The following CDHR2 variants were observed in gnomAD, a reference collection of about 807,000 sequenced individuals.
The protein encoded by CDHR2 is cadherin-related family member 2.
CDHR2 carries 104 observed loss-of-function variants against 138.6 expected under a neutral mutation model. The observed-to-expected ratio is 0.75, with a 90% CI of 0.64 to 0.88. CDHR2 has a LOEUF of 0.88. Among genes scored for constraint, CDHR2 ranks in the 40% least tolerant of loss-of-function variants. The probability of loss-of-function intolerance (pLI) is 0.00; values close to 1 mark genes in which losing one functional copy is unlikely to be tolerated. For missense variants in CDHR2, 1,624 were observed against 1,727.6 expected, an observed-to-expected ratio of 0.94 and a Z score of 1.06; for synonymous variants, 755 against 742.8, an observed-to-expected ratio of 1.02 and a Z score of -0.27.
rs775264849 is a variant in CDHR2, at chr5:176,589,471, C to T, written c.3117+33C>T. The stretch of plus-strand genomic sequence containing the variant: ...CTGGTCCCACCTCCAGCCCCCAACG[C>T]CCTCTGCCAGCCCCCAGGGTCCCTG... On this transcript the variant is annotated intron_variant, in intron 23 of 31. Transcript: ENST00000261944. 2.5e-6 allele frequency: 4 copies of T among 1,610,882 alleles called. No homozygotes were observed. In the South Asian group the frequency reaches 4.4e-5, roughly 18 times the overall value.
At chr5:176,575,467 C>A (rs902880028) in intron 9 of CDHR2, 39 bp from the exon 10 acceptor site, 4 of 1,614,052 alleles carry the variant, frequency 2.5e-6, no homozygotes, top group Non-Finnish European at 3.4e-6. Context: ...AGGCGGGAGG[C>A]GGGGAAGTTT....
chr5:176,587,388 C>G (rs113101218), intron 21 of CDHR2, among the ~76,000 whole-genome samples: 4,032 of 151,870 alleles, frequency 0.027, 68 homozygotes, highest in Middle Eastern at 0.044. Flanking sequence ...GCGGAGGTTG[C>G]GGTGAGTCGA....
At chr5:176,555,181 C>G (rs1318480525) in intron 1 of CDHR2, among the ~76,000 whole-genome samples, 4 of 152,176 alleles carry the variant, frequency 2.6e-5, no homozygotes, top group Admixed American at 6.5e-5. Context: ...CAACTTTCTG[C>G]AAAAAGAGCT....
chr5:176,586,073 G>T, intron 20 of CDHR2, 48 bp downstream of exon 20: 1 of 1,509,262 alleles, frequency 6.6e-7, no homozygotes, highest in Non-Finnish European at 9.2e-7. Flanking sequence ...CCATAAGGCC[G>T]CCTTTGAGCA....
At chr5:176,548,106 A>C (rs546056704), upstream of CDHR2, among the ~76,000 whole-genome samples, 2 of 152,348 alleles carry the variant, frequency 1.3e-5, no homozygotes, top group Admixed American at 1.3e-4. Flanking sequence ...CGCACGCTGC[A>C]GGCAACTGTA....
intron 1 of CDHR2, among the ~76,000 whole-genome samples, chr5:176,551,268 A>C (rs1561864178): frequency 1.3e-5 from 2 of 151,954 alleles, no homozygotes; most frequent in African/African-American, 2.4e-5. Flanking sequence ...CCTTGGTTCA[A>C]GTGATTCTCC....
intron 17 of CDHR2, among the ~76,000 whole-genome samples, chr5:176,583,100 T>C (rs746244532): frequency 9.9e-5 from 15 of 152,204 alleles, no homozygotes; most frequent in Non-Finnish European, 1.6e-4. Flanking sequence ...GACTTGCTGG[T>C]TGTCCTTAGG....
Position 176,584,779 on chromosome 5 carries a change from C to T in CDHR2, c.2498C>T (p.Ala833Val). The change falls in exon 19 of 32, where the codon GCC becomes GTC. Residue 833 changes from alanine to valine, a missense_variant. Around this residue, in one of 3 missense-constraint regions of CDHR2, gnomAD observed 1,061 missense variants for 1,136.6 expected, o/e 0.93. Coordinates refer to ENST00000261944, the MANE Select transcript of CDHR2 (RefSeq NM_017675.6). The part of the protein sequence containing the change: ...SQHGQVAVVV[A>V]SDVDTSAQLE... Reference sequence around the variant, plus strand: ...CACGGCCAGGTGGCTGTGGTGGTTGCCTCGGATGTGGACACCAGTGCCCAG... The same window carrying T: ...CACGGCCAGGTGGCTGTGGTGGTTGTCTCGGATGTGGACACCAGTGCCCAG... The T allele has an allele frequency of 6.2e-7, 1 of 1,614,166 alleles. No individual in the cohort carries two copies. Among genetic ancestry groups the T allele is most frequent in the Non-Finnish European group, 8.5e-7 (1 of 1,180,038 alleles).
chr5:176,572,458 GAGA>G (rs1758260594), intron 6 of CDHR2, among the ~76,000 whole-genome samples: 1 of 151,832 alleles, frequency 6.6e-6, no homozygotes, highest in Non-Finnish European at 1.5e-5. Context: ...TCACATTGAG[GAGA>G]CCGTCTCTTT....
intron 4 of CDHR2, 65 bp downstream of exon 4, chr5:176,568,882 C>T (rs1484331574): frequency 1.1e-5 from 18 of 1,610,774 alleles, no homozygotes; most frequent in East Asian, 2.2e-5. Context: ...CCTGGGAGCC[C>T]GCGTCCTGGT....
chr5:176,584,641 G>A lies in CDHR2; in HGVS notation c.2360G>A (p.Gly787Glu). ...AGTGCTGAGAACCCAGACCCCCAGG[G>A]GGGTGAGACCATAGTAGACGTCTGC... ...TVSAENPDPQ[G>E]GETIVDVCVN... is the part of the protein sequence containing the mutation. Residue 787 changes from glycine (G) to glutamate (E), a missense_variant, in exon 19 of 32, where the codon GGG becomes GAG. Physicochemically the swap from Gly to Glu is moderately conservative, Grantham distance 98 (BLOSUM62 -2). Around this residue, in one of 3 missense-constraint regions of CDHR2, gnomAD observed 1,061 missense variants for 1,136.6 expected, o/e 0.93. Transcript: ENST00000261944. 1.2e-6 allele frequency: 2 copies of A among 1,611,958 alleles called. No individual in the cohort carries two copies. The highest frequency in any genetic ancestry group is 1.7e-6 in the Non-Finnish European group (2 of 1,178,360).
chr5:176,547,094 T>G (rs1393445397), upstream of CDHR2, among the ~76,000 whole-genome samples: 1 of 151,866 alleles, frequency 6.6e-6, no homozygotes, highest in Non-Finnish European at 1.5e-5. Flanking sequence ...ATCTCCTGCC[T>G]CAGCCTCCTG....
In CDHR2 at chr5:176,557,593, T is replaced by G. The variant is rs189747719; in HGVS notation, c.-15-7745T>G. On this transcript the variant is annotated intron_variant, in intron 1 of 31. Coordinates refer to ENST00000261944, the MANE Select transcript of CDHR2 (RefSeq NM_017675.6). ...TTTTTTTTTTTTTTTTGAGATAGGGTCTTGCTCTGTCGCCCGGGCTGGAGT... is the reference window on the plus strand; with the variant it reads ...TTTTTTTTTTTTTTTTGAGATAGGGGCTTGCTCTGTCGCCCGGGCTGGAGT... Among the ~76,000 whole-genome samples the G allele has an allele frequency of 2.4e-3, 336 of 138,072 alleles. 1 individual carries two copies. Among genetic ancestry groups the G allele is most frequent in the African/African-American group, 8.4e-3 (305 of 36,474 alleles). The allele number at this position is 138,072 out of a possible 152,430, so 90.6% of individuals were successfully genotyped here. A position where few individuals can be genotyped will look rare whatever the true frequency, so the allele number is the denominator to read the frequency against.
chr5:176,556,137 TTG>T (rs1446924845), intron 1 of CDHR2, among the ~76,000 whole-genome samples: 1 of 152,228 alleles, frequency 6.6e-6, no homozygotes, highest in East Asian at 1.9e-4. Context: ...ATCTCTCATA[TTG>T]TTTGTGCTAC....
intron 1 of CDHR2, among the ~76,000 whole-genome samples, chr5:176,551,040 C>T (rs1233196906): frequency 6.6e-6 from 1 of 152,206 alleles, no homozygotes; most frequent in Non-Finnish European, 1.5e-5. Flanking sequence ...GACGGATTCT[C>T]ACTCTGTTGC....
chr5:176,568,847 G>T (rs757751199), intron 4 of CDHR2, 30 bp downstream of exon 4: 3 of 1,613,016 alleles, frequency 1.9e-6, no homozygotes, highest in Non-Finnish European at 2.5e-6. Flanking sequence ...GAGGGCACGG[G>T]ACGCGGAGGG....
Position 176,590,116 on chromosome 5 carries a change from T to C in CDHR2, c.3245T>C (p.Val1082Ala), listed in dbSNP as rs1455316384. 4 of 1,613,728 alleles carry C rather than the reference T, an allele frequency of 2.5e-6. No homozygotes were observed. Among genetic ancestry groups the C allele is most frequent in the Non-Finnish European group, 3.4e-6 (4 of 1,180,010 alleles). ...TQATRTTVYI[V>A]DIQDIDSAAR... ...GCAACCAGGACTACAGTATACATTG[T>C]GGACATTCAGGACATAGATTCTGCA... The change falls in exon 25 of 32, where the codon GTG becomes GCG. Residue 1082 changes from valine (V) to alanine (A), a missense_variant. Physicochemically the swap from Val to Ala is moderately conservative, Grantham distance 64 (BLOSUM62 0). Transcript: ENST00000261944.
chr5:176,562,990 G>A (rs4259184), intron 1 of CDHR2, among the ~76,000 whole-genome samples: 146,595 of 152,200 alleles, frequency 0.96, 70,844 homozygotes, highest in East Asian at 1. Context: ...AGCTGGAGCC[G>A]GTCTGTGGTT....
Position 176,584,869 on chromosome 5 carries a change from G to A in CDHR2, c.2588G>A (p.Trp863Ter). 1 of 1,614,166 alleles carries A rather than the reference G, an allele frequency of 6.2e-7. No individual in the cohort carries two copies. The highest frequency in any genetic ancestry group is 8.5e-7 in the Non-Finnish European group (1 of 1,180,020). Residue 863 changes from tryptophan to a stop codon, truncating the protein, a stop_gained, in exon 19 of 32, where the codon TGG (tryptophan) becomes TAG (stop). Transcript: ENST00000261944. LOFTEE classifies it high-confidence loss of function. ...KAGVDVGSLC[W>*]GWFSVAANGS... The stretch of plus-strand genomic sequence containing the variant: ...GGGGTCGATGTGGGCAGCCTATGCT[G>A]GGGCTGGTTCTCAGTGGCGGCCAAC...
Sources: gnomAD v4.1 joint callset for allele counts (sites outside exome capture counted in the v4.1 genomes callset) on GRCh38, gnomAD v4.1.1 for gene constraint, gnomAD v4.1.1 regional missense constraint, MANE v1.5 for transcripts, NCBI Gene and HGNC (gene_info 2026-07-23, HGNC 2026-07-21) for gene names.